SORCS1: variants seen among roughly 807,000 people sequenced by gnomAD.
SORCS1 encodes VPS10 domain-containing receptor SorCS1.
SORCS1 carries 60 observed loss-of-function variants against 146.1 expected under a neutral mutation model. The ratio of observed to expected loss-of-function variants is 0.41; its 90% CI spans 0.33 to 0.51. The LOEUF (loss-of-function observed/expected upper bound fraction) is 0.51. SORCS1 is among the 20% of genes least tolerant of loss of function. The pLI, the probability that SORCS1 is intolerant of heterozygous loss-of-function variation, is 0.21. For missense variants in SORCS1, 1,352 were observed against 1,487.6 expected (o/e 0.91, Z 1.50); for synonymous variants, 637 against 584.0 (o/e 1.09, Z -1.31).
chr10:106,817,678 A>T (rs993049399), intron 3 of SORCS1, among the ~76,000 whole-genome samples: 1 of 152,224 alleles, frequency 6.6e-6, no homozygotes, highest in African/African-American at 2.4e-5. Flanking sequence ...ATTCTAGAGA[A>T]TGAAAGATAC....
At chr10:107,074,632 A>G (rs1962728974) in intron 1 of SORCS1, among the ~76,000 whole-genome samples, 1 of 152,144 alleles carries the variant, frequency 6.6e-6, no homozygotes, top group Non-Finnish European at 1.5e-5. Flanking sequence ...CTGTTTTCCA[A>G]AGTGGTTGTA....
intron 2 of SORCS1, among the ~76,000 whole-genome samples, chr10:106,903,049 TC>T (rs1370064222): frequency 1.3e-5 from 2 of 152,140 alleles, no homozygotes; most frequent in Non-Finnish European, 2.9e-5. Context: ...CTGCACTCCA[TC>T]CTGTGTGACA....
intron 2 of SORCS1, among the ~76,000 whole-genome samples, chr10:106,918,068 C>G (rs773981523): frequency 1.3e-5 from 2 of 152,190 alleles, no homozygotes; most frequent in African/African-American, 2.4e-5. Flanking sequence ...AAAAAATCTT[C>G]CTGTCCAGGA....
chr10:106,995,606 C>A (rs1304542348), intron 1 of SORCS1, among the ~76,000 whole-genome samples: 2 of 152,050 alleles, frequency 1.3e-5, no homozygotes, highest in Non-Finnish European at 2.9e-5. Context: ...TAAAAGTTAT[C>A]CGAAGTGTTG....
intron 3 of SORCS1, among the ~76,000 whole-genome samples, chr10:106,811,976 T>G (rs2136799619): frequency 6.6e-6 from 1 of 151,968 alleles, no homozygotes; most frequent in South Asian, 2.1e-4. Flanking sequence ...CATACTTACC[T>G]TGATGGTTTC....
chr10:106,669,130 C>A (rs1416261199), intron 16 of SORCS1, among the ~76,000 whole-genome samples: 3 of 152,026 alleles, frequency 2.0e-5, no homozygotes, highest in Admixed American at 2.0e-4. Flanking sequence ...CAAATGAATG[C>A]AGGGATTGGG....
intron 1 of SORCS1, among the ~76,000 whole-genome samples, chr10:107,029,544 G>C (rs535995884): frequency 2.6e-5 from 4 of 152,144 alleles, no homozygotes; most frequent in Non-Finnish European, 5.9e-5. Context: ...AATCCTAAGA[G>C]TGAAAGGAGA....
At chr10:106,807,450 C>G (rs1035887617) in intron 3 of SORCS1, among the ~76,000 whole-genome samples, 8 of 152,176 alleles carry the variant, frequency 5.3e-5, no homozygotes, top group African/African-American at 1.9e-4. Context: ...TCCCTATTGC[C>G]TGCCCCTGCT....
At chr10:106,759,696 G>A (rs1858927827) in intron 5 of SORCS1, among the ~76,000 whole-genome samples, 1 of 152,116 alleles carries the variant, frequency 6.6e-6, no homozygotes. Flanking sequence ...AACTGAGGCA[G>A]TTAAAGAAAG....
intron 2 of SORCS1, among the ~76,000 whole-genome samples, chr10:106,933,077 G>A (rs1008865958): frequency 6.6e-6 from 1 of 152,182 alleles, no homozygotes; most frequent in African/African-American, 2.4e-5. Flanking sequence ...ACATGTAGAT[G>A]ATGAATTTGC....
At chr10:107,018,590 A>G (rs1405998108) in intron 1 of SORCS1, among the ~76,000 whole-genome samples, 1 of 152,038 alleles carries the variant, frequency 6.6e-6, no homozygotes, top group African/African-American at 2.4e-5. Context: ...AACTTATATT[A>G]AGCTTGTATG....
chr10:106,974,537 A>G (rs1955915225), intron 1 of SORCS1, among the ~76,000 whole-genome samples: 1 of 152,190 alleles, frequency 6.6e-6, no homozygotes, highest in Admixed American at 6.5e-5. Context: ...AAGCTTAACA[A>G]GAGATCCACA....
intron 2 of SORCS1, among the ~76,000 whole-genome samples, chr10:106,927,684 T>C (rs945896327): frequency 6.6e-6 from 1 of 152,046 alleles, no homozygotes; most frequent in Non-Finnish European, 1.5e-5. Context: ...GTTCTCCACG[T>C]CCCCACCAGA....
At chr10:107,084,097 T>G (rs867033253) in intron 1 of SORCS1, among the ~76,000 whole-genome samples, 30,097 of 142,112 alleles carry the variant, frequency 0.21, 3,810 homozygotes, top group Middle Eastern at 0.39. Context: ...TTTTTGTTTT[T>G]TTTTTTTTTT....
At chr10:107,096,754 G>A (rs763230760) in intron 1 of SORCS1, among the ~76,000 whole-genome samples, 4 of 151,890 alleles carry the variant, frequency 2.6e-5, no homozygotes, top group South Asian at 2.1e-4. Flanking sequence ...TCAGGTGATC[G>A]GCCCACCTCG....
At chr10:106,789,585 A>C (rs565368444) in intron 3 of SORCS1, among the ~76,000 whole-genome samples, 1 of 152,142 alleles carries the variant, frequency 6.6e-6, no homozygotes, top group African/African-American at 2.4e-5. Context: ...CAAATTCCTC[A>C]TCTCTATCTG....
rs554778475 is a variant in SORCS1 at position 106,993,796 on chromosome 10, A to G, written c.559-37216T>C. On this transcript the variant is annotated intron_variant, in intron 1 of 25. Transcript: ENST00000263054. ...CATATATAGAAGGGAAAATGAGGCC[A>G]GGTGCCGTAGTTCATGCCTGTAATC... Among the ~76,000 whole-genome samples the G allele has an allele frequency of 2.6e-5, 4 of 152,276 alleles. No homozygotes were observed. In the South Asian group the frequency reaches 8.3e-4, roughly 32 times the overall value.
chr10:106,578,678 G>C (rs1029467973), intron 25 of SORCS1: 1 of 1,013,598 alleles, frequency 9.9e-7, no homozygotes, highest in Non-Finnish European at 1.2e-6. Flanking sequence ...TCCAGTTGAG[G>C]CTACCATGTT....
At chr10:106,659,710 A>G (rs1227901077) in intron 17 of SORCS1, among the ~76,000 whole-genome samples, 1 of 152,146 alleles carries the variant, frequency 6.6e-6, no homozygotes, top group South Asian at 2.1e-4. Flanking sequence ...TTCTCTTGCC[A>G]CTGTACCATA....
Sources: allele counts gnomAD v4.1 joint callset (sites outside exome capture counted in the v4.1 genomes callset), GRCh38; gene constraint gnomAD v4.1.1; transcripts MANE v1.5; gene names NCBI Gene and HGNC (gene_info 2026-07-23, HGNC 2026-07-21).